The following ILRUN variants were observed in gnomAD, a reference collection of about 807,000 sequenced individuals.
ILRUN encodes inflammation and lipid regulator with UBA-like and NBR1-like domains.
In ILRUN, 3 loss-of-function variants were observed where a neutral mutation model predicts 33.8. The observed-to-expected ratio is 0.09, with a 90% confidence interval of 0.04 to 0.23. ILRUN has a LOEUF of 0.23. ILRUN is among the 10% of genes least tolerant of loss of function. ILRUN has a pLI of 1.00. For missense variants in ILRUN, 210 were observed against 375.1 expected (o/e 0.56, Z 3.64); for synonymous variants, 124 against 138.9 (o/e 0.89, Z 0.75).
chr6:34,680,497 C>G (rs572849533), intron 1 of ILRUN, among the ~76,000 whole-genome samples: 1 of 152,164 alleles, frequency 6.6e-6, no homozygotes, highest in East Asian at 1.9e-4. Context: ...CAGAGTCTCG[C>G]TCTGCTGCCC....
chr6:34,619,861 C>T (rs1422461206), intron 3 of ILRUN, among the ~76,000 whole-genome samples: 2 of 151,536 alleles, frequency 1.3e-5, no homozygotes, highest in Non-Finnish European at 2.9e-5. Flanking sequence ...GGTGCAGGCC[C>T]GTAGTCCCAG....
intron 1 of ILRUN, among the ~76,000 whole-genome samples, chr6:34,695,332 G>A (rs1194390857): frequency 6.6e-6 from 1 of 152,192 alleles, no homozygotes; most frequent in African/African-American, 2.4e-5. Context: ...TTTGCCCAAA[G>A]AAATATTAGT....
At chr6:34,656,969 CT>C (rs1214261069) in intron 1 of ILRUN, among the ~76,000 whole-genome samples, 1 of 152,204 alleles carries the variant, frequency 6.6e-6, no homozygotes, top group Admixed American at 6.5e-5. Context: ...CAGCAGTTTC[CT>C]GTCTAGCTGA....
intron 1 of ILRUN, among the ~76,000 whole-genome samples, chr6:34,674,759 A>T (rs1246864399): frequency 6.6e-6 from 1 of 152,186 alleles, no homozygotes; most frequent in African/African-American, 2.4e-5. Flanking sequence ...CTTTAAGTAC[A>T]CATTAAAACT....
intron 1 of ILRUN, among the ~76,000 whole-genome samples, chr6:34,683,534 T>TA (rs1562033474): frequency 7.6e-6 from 1 of 131,316 alleles, no homozygotes; most frequent in African/African-American, 3.0e-5. Flanking sequence ...ATATACATAT[T>TA]GCACAGAATA....
intron 4 of ILRUN, among the ~76,000 whole-genome samples, chr6:34,601,626 G>A (rs1761509379): frequency 6.6e-6 from 1 of 151,904 alleles, no homozygotes; most frequent in African/African-American, 2.4e-5. Flanking sequence ...TTTCAAAGTA[G>A]ATAATAGATC....
At chr6:34,611,564 A>T (rs1470919947) in intron 3 of ILRUN, among the ~76,000 whole-genome samples, 1 of 152,190 alleles carries the variant, frequency 6.6e-6, no homozygotes, top group Admixed American at 6.5e-5. Context: ...TTAATCAAAC[A>T]AATGAAAAAG....
intron 1 of ILRUN, among the ~76,000 whole-genome samples, chr6:34,681,589 C>A (rs1763358294): frequency 6.6e-6 from 1 of 151,924 alleles, no homozygotes; most frequent in Non-Finnish European, 1.5e-5. Flanking sequence ...ATAGCAAGAC[C>A]CCGTCTCATT....
intron 3 of ILRUN, among the ~76,000 whole-genome samples, chr6:34,609,576 T>C (rs767327576): frequency 2.5e-4 from 38 of 151,548 alleles, no homozygotes; most frequent in Admixed American, 7.9e-4. Flanking sequence ...ACTGGTTGTA[T>C]CCAAACAGCC....
At chr6:34,642,231 A>G (rs553992908) in intron 3 of ILRUN, among the ~76,000 whole-genome samples, 1 of 152,366 alleles carries the variant, frequency 6.6e-6, no homozygotes, top group East Asian at 1.9e-4. Context: ...GACCATCCAC[A>G]TTAATTTTGG....
intron 1 of ILRUN, among the ~76,000 whole-genome samples, chr6:34,677,780 A>G (rs1401850204): frequency 6.6e-6 from 1 of 151,790 alleles, no homozygotes; most frequent in East Asian, 1.9e-4. Context: ...AAAACCCCCT[A>G]TGTACAAAAA....
intron 4 of ILRUN, among the ~76,000 whole-genome samples, chr6:34,591,993 GA>G (rs1720908072): frequency 6.6e-6 from 1 of 152,088 alleles, no homozygotes; most frequent in Non-Finnish European, 1.5e-5. Flanking sequence ...CCCCTTATAA[GA>G]AAGACACACC....
intron 3 of ILRUN, among the ~76,000 whole-genome samples, chr6:34,639,102 G>A (rs1443768390): frequency 6.6e-6 from 1 of 152,192 alleles, no homozygotes; most frequent in Non-Finnish European, 1.5e-5. Context: ...ATTTACAAAG[G>A]TTTTGGGAAA....
chr6:34,598,694 G>A (rs190083988), intron 4 of ILRUN, among the ~76,000 whole-genome samples: 1,637 of 152,256 alleles, frequency 0.011, 17 homozygotes, highest in Non-Finnish European at 0.017. Context: ...GGTACAAAAA[G>A]GAAAGTTCCT....
intron 1 of ILRUN, among the ~76,000 whole-genome samples, chr6:34,666,711 A>G (rs896827791): frequency 2.0e-5 from 3 of 152,184 alleles, no homozygotes. Flanking sequence ...CAGTATAAAT[A>G]TGTGACATGT....
At chr6:34,612,760 T>C (rs973743248) in intron 3 of ILRUN, among the ~76,000 whole-genome samples, 13 of 151,996 alleles carry the variant, frequency 8.6e-5, no homozygotes, top group African/African-American at 3.1e-4. Context: ...TACAAAAATT[T>C]GGCTGGGTGC....
chr6:34,663,519 AAGAG>A (rs138211479), intron 1 of ILRUN, among the ~76,000 whole-genome samples: 10 of 151,896 alleles, frequency 6.6e-5, no homozygotes, highest in South Asian at 2.1e-4. Context: ...ACTTAAAAAA[AAGAG>A]AGAGAGAGAG....
intron 3 of ILRUN, among the ~76,000 whole-genome samples, chr6:34,620,331 G>A (rs1470559624): frequency 6.6e-6 from 1 of 152,134 alleles, no homozygotes; most frequent in African/African-American, 2.4e-5. Flanking sequence ...TCAATAAGGA[G>A]CAAATTATTA....
Position 34,602,836 on chromosome 6 carries a change from T to C in ILRUN, c.861+3719A>G, listed in dbSNP as rs376502028. 5.2e-4 allele frequency among the ~76,000 whole-genome samples: 79 copies of C among 152,288 alleles called. 1 individual carries two copies. Among genetic ancestry groups the C allele is most frequent in the African/African-American group, 1.8e-3 (75 of 41,562 alleles). On this transcript the variant is annotated intron_variant, in intron 4 of 4. Transcript: ENST00000374023. ...GCCCCTTTGCGTTGTGGGATGCAGC[T>C]AGGGCAGGCGTTCCCCCCAGGGACG... is the stretch of plus-strand genomic sequence containing the variant.
Sources: gnomAD v4.1 joint callset for allele counts (sites outside exome capture counted in the v4.1 genomes callset) on GRCh38, gnomAD v4.1.1 for gene constraint, MANE v1.5 for transcripts, NCBI Gene and HGNC (gene_info 2026-07-23, HGNC 2026-07-21) for gene names.